The following JAKMIP2 variants were observed in gnomAD, a reference collection of about 807,000 sequenced individuals.
JAKMIP2 encodes janus kinase and microtubule interacting protein 2, also known as janus kinase and microtubule-interacting protein 2.
Under a neutral mutation model 115.0 loss-of-function variants are expected in JAKMIP2, and 25 were observed. That is an observed-to-expected ratio of 0.22 (90% CI 0.16 to 0.30). JAKMIP2 has a LOEUF of 0.30. JAKMIP2 is among the 10% of genes least tolerant of loss of function. The pLI is 1.00. For missense variants in JAKMIP2, 642 were observed against 957.6 expected (o/e 0.67, Z 4.35); for synonymous variants, 334 against 343.6 (o/e 0.97, Z 0.31).
At chr5:147,710,733 C>T (rs753229256) in intron 1 of JAKMIP2, among the ~76,000 whole-genome samples, 3 of 152,088 alleles carry the variant, frequency 2.0e-5, no homozygotes, top group Non-Finnish European at 2.9e-5. Context: ...TGTTATGGCA[C>T]AATGAATTCA....
chr5:147,736,012 A>T (rs1753907870), intron 1 of JAKMIP2, among the ~76,000 whole-genome samples: 1 of 152,092 alleles, frequency 6.6e-6, no homozygotes, highest in Non-Finnish European at 1.5e-5. Flanking sequence ...GAACCTCAGG[A>T]CAGATTAAAT....
chr5:147,747,538 C>T (rs577001307), intron 1 of JAKMIP2, among the ~76,000 whole-genome samples: 1 of 152,238 alleles, frequency 6.6e-6, no homozygotes, highest in East Asian at 1.9e-4. Context: ...TACCTCAGGA[C>T]CCCATTATAA....
chr5:147,774,090 G>A (rs1032708272), intron 1 of JAKMIP2, among the ~76,000 whole-genome samples: 3 of 152,020 alleles, frequency 2.0e-5, no homozygotes, highest in Non-Finnish European at 4.4e-5. Context: ...CCATAATATA[G>A]CTAAAAATAA....
chr5:147,711,206 T>C (rs972013347), intron 1 of JAKMIP2, among the ~76,000 whole-genome samples: 2 of 152,206 alleles, frequency 1.3e-5, no homozygotes, highest in African/African-American at 4.8e-5. Context: ...AGGGGAAACA[T>C]TCATCTAACC....
Position 147,587,390 on chromosome 5 carries a change from A to G in JAKMIP2, c.*4317T>C, listed in dbSNP as rs984400543. On this transcript the variant is annotated 3_prime_UTR_variant, in exon 22 of 22. Transcript: ENST00000616793. Reference sequence around the variant, plus strand: ...AGGCAACAAGCAATGCAACTCCCAAATTACAGAGCAAATTTCTATTGCTCT... The same window carrying G: ...AGGCAACAAGCAATGCAACTCCCAAGTTACAGAGCAAATTTCTATTGCTCT... 2 of 149,268 alleles carry G rather than the reference A, an allele frequency of 1.3e-5. No homozygotes were observed. The highest frequency in any genetic ancestry group is 3.0e-5 in the Non-Finnish European group (2 of 67,438). 9.2% of individuals were successfully genotyped at this position (149,268 alleles called of 1,614,324 possible).
chr5:147,763,741 T>A (rs1201301860), intron 1 of JAKMIP2, among the ~76,000 whole-genome samples: 1 of 152,152 alleles, frequency 6.6e-6, no homozygotes, highest in East Asian at 1.9e-4. Context: ...TTAGGCACTT[T>A]GAGCTTTAAT....
In JAKMIP2 at chr5:147,640,738, C is replaced by T; in HGVS notation, c.1367G>A (p.Arg456Lys). ...GTCATCATCAGGAGTAGCTGGTGTT[C>T]TGTCTGTTCTAAATGAGGCCATGGA... ...TSSMASFRTD[R>K]TPATPDDDLD... The change falls in exon 9 of 22, where the codon AGA becomes AAA. Residue 456 changes from arginine (R) to lysine (K), a missense_variant. By Grantham distance (26) the Arg-to-Lys change is conservative (BLOSUM62 2). Transcript: ENST00000616793. 1.2e-6 allele frequency: 2 copies of T among 1,613,728 alleles called. No homozygotes were observed. Among genetic ancestry groups the T allele is most frequent in the South Asian group, 2.2e-5 (2 of 91,064 alleles).
In JAKMIP2 at chr5:147,717,652, G is replaced by C. The variant is rs1194088217; in HGVS notation, c.-148-45698C>G. On this transcript the variant is annotated intron_variant, in intron 1 of 21. Coordinates refer to ENST00000616793, the MANE Select transcript of JAKMIP2 (RefSeq NM_001270941.2). ...TCATGATTTGGCTCTCTGTTTGTCT[G>C]TTGCTGTTGTATAAGAATGCTTGTG... 4.6e-5 allele frequency among the ~76,000 whole-genome samples: 7 copies of C among 151,312 alleles called. No homozygotes were observed. In the South Asian group the frequency reaches 1.5e-3, roughly 32 times the overall value.
At chr5:147,618,759 A>G (rs1756709738) in intron 18 of JAKMIP2, among the ~76,000 whole-genome samples, 1 of 152,112 alleles carries the variant, frequency 6.6e-6, no homozygotes, top group Non-Finnish European at 1.5e-5. Context: ...AACAAAAAAC[A>G]AACAAACAAA....
intron 17 of JAKMIP2, among the ~76,000 whole-genome samples, chr5:147,622,693 T>C (rs1230293050): frequency 6.6e-6 from 1 of 152,242 alleles, no homozygotes; most frequent in African/African-American, 2.4e-5. Context: ...TTGGCTATTG[T>C]GAATAATGCT....
intron 1 of JAKMIP2, among the ~76,000 whole-genome samples, chr5:147,781,454 A>G (rs570413183): frequency 6.6e-6 from 1 of 152,324 alleles, no homozygotes; most frequent in East Asian, 1.9e-4. Context: ...ATTTGCTTCA[A>G]CATTGATTTG....
intron 20 of JAKMIP2, among the ~76,000 whole-genome samples, chr5:147,604,148 G>A (rs1755870396): frequency 6.6e-6 from 1 of 152,110 alleles, no homozygotes; most frequent in Non-Finnish European, 1.5e-5. Flanking sequence ...TGCCTTCTGT[G>A]GGGCTTCCTG....
At chr5:147,598,508 C>T (rs1755526860) in intron 21 of JAKMIP2, among the ~76,000 whole-genome samples, 2 of 151,876 alleles carry the variant, frequency 1.3e-5, no homozygotes, top group South Asian at 4.1e-4. Context: ...TTGGTTACCT[C>T]TCTGGAGAAC....
intron 1 of JAKMIP2, among the ~76,000 whole-genome samples, chr5:147,757,176 T>A (rs1026664529): frequency 3.9e-5 from 6 of 151,958 alleles, no homozygotes; most frequent in Admixed American, 3.3e-4. Context: ...CCCATTCCAT[T>A]TGTAGGAAAT....
At chr5:147,591,748 A>C (rs1755102385) in intron 21 of JAKMIP2, 62 bp from the exon 22 acceptor site, 1 of 1,050,544 alleles carries the variant, frequency 9.5e-7, no homozygotes, top group Admixed American at 2.2e-5. Context: ...AATCATAAAA[A>C]ACAAACTTTA....
chr5:147,673,111 A>T (rs113004242), intron 1 of JAKMIP2, among the ~76,000 whole-genome samples: 306 of 152,270 alleles, frequency 2.0e-3, no homozygotes, highest in Admixed American at 8.4e-3. Context: ...AAGGCAACTG[A>T]ATTTGTCCAG....
rs1283464946 is a variant in JAKMIP2 at position 147,586,969 on chromosome 5, T to G, written c.*4738A>C. 3 of 152,180 alleles carry G rather than the reference T, an allele frequency of 2.0e-5. No homozygotes were observed. Among genetic ancestry groups the G allele is most frequent in the African/African-American group, 4.8e-5 (2 of 41,442 alleles). 9.4% of individuals were successfully genotyped at this position (152,180 alleles called of 1,614,324 possible). On this transcript the variant is annotated 3_prime_UTR_variant, in exon 22 of 22. Coordinates refer to ENST00000616793, the MANE Select transcript of JAKMIP2 (RefSeq NM_001270941.2). ...ACAGCAAAGGATTGTGAATCTGCCC[T>G]GCCCCATTCTGAAATGGAATAATAG...
intron 16 of JAKMIP2, among the ~76,000 whole-genome samples, chr5:147,623,976 AG>A (rs1342724051): frequency 1.3e-5 from 2 of 152,100 alleles, no homozygotes; most frequent in Non-Finnish European, 2.9e-5. Context: ...CTGGGATTAC[AG>A]GCGCCTGCCA....
At chr5:147,675,441 T>C (rs1381158989) in intron 1 of JAKMIP2, among the ~76,000 whole-genome samples, 1 of 152,100 alleles carries the variant, frequency 6.6e-6, no homozygotes, top group Non-Finnish European at 1.5e-5. Context: ...CATACTCTAA[T>C]TTTACTGCAT....
Sources: allele counts gnomAD v4.1 joint callset (sites outside exome capture counted in the v4.1 genomes callset), GRCh38; gene constraint gnomAD v4.1.1; transcripts MANE v1.5; gene names NCBI Gene and HGNC (gene_info 2026-07-23, HGNC 2026-07-21).